The following RIMKLB variants were observed in gnomAD, a reference collection of about 807,000 sequenced individuals.
The protein encoded by RIMKLB is beta-citrylglutamate synthase B.
A neutral mutation model predicts 32.0 loss-of-function variants in RIMKLB; 7 were observed. That is an observed-to-expected ratio of 0.22 (90% confidence interval 0.12 to 0.41). The LOEUF (loss-of-function observed/expected upper bound fraction) is 0.41. Ranked by LOEUF, RIMKLB falls within the 10% of genes least tolerant of loss-of-function variation. The pLI is 1.00. For synonymous variants in RIMKLB, 172 were observed against 185.1 expected (o/e 0.93, Z 0.57); for missense variants, 289 against 498.7 (o/e 0.58, Z 4.00).
At chr12:8,777,215 C>CT (rs35828763), downstream of RIMKLB, 250,542 of 695,332 alleles carry the variant, frequency 0.36, 14,571 homozygotes, top group East Asian at 0.57. Context: ...TGCTTGCTTT[C>CT]TTTTTTTTTT....
intron 2 of RIMKLB, among the ~76,000 whole-genome samples, chr12:8,714,778 G>A (rs1208192353): frequency 2.6e-5 from 4 of 152,052 alleles, no homozygotes; most frequent in Non-Finnish European, 5.9e-5. Context: ...GTTTCTGTCA[G>A]GGAGCATTAT....
chr12:8,715,228 C>CTTTTTTTTTTTTTTTTTTT (rs61677474), intron 2 of RIMKLB, among the ~76,000 whole-genome samples: 3 of 123,738 alleles, frequency 2.4e-5, no homozygotes, highest in African/African-American at 9.9e-5. Context: ...TGCTCTTGTT[C>CTTTTTTTTTTTTTTTTTTT]TTTTTTTTTT....
rs1199819501 is a variant in RIMKLB, at chr12:8,729,863, TTC to T, written c.175+15824_175+15825del. Reference sequence around the variant, plus strand: ...TTCAACTTTCCACATCTTTGTCAACTTCTGTTTTATAATAGCCATCCTAATGG... The same window carrying T: ...TTCAACTTTCCACATCTTTGTCAACTTGTTTTATAATAGCCATCCTAATGG... On this transcript the variant is annotated intron_variant, in intron 2 of 5. Coordinates refer to ENST00000535829, the MANE Select transcript of RIMKLB (RefSeq NM_001297776.2). Among the ~76,000 whole-genome samples, 3 of 152,354 alleles carry T rather than the reference TTC, an allele frequency of 2.0e-5. No individual in the cohort carries two copies. In the East Asian group the frequency reaches 5.8e-4, roughly 29 times the overall value.
intron 2 of RIMKLB, among the ~76,000 whole-genome samples, chr12:8,748,403 G>T (rs1261217191): frequency 6.6e-6 from 1 of 151,612 alleles, no homozygotes; most frequent in Non-Finnish European, 1.5e-5. Flanking sequence ...TTTATCACAG[G>T]TATGTGTGTA....
chr12:8,736,307 GTCTT>G (rs1205656777), intron 2 of RIMKLB, among the ~76,000 whole-genome samples: 2 of 152,070 alleles, frequency 1.3e-5, no homozygotes, highest in Non-Finnish European at 2.9e-5. Context: ...TACTAGCTTT[GTCTT>G]TCTTTTAAGA....
intron 2 of RIMKLB, among the ~76,000 whole-genome samples, chr12:8,721,847 G>A (rs761323182): frequency 3.7e-4 from 57 of 152,202 alleles, no homozygotes; most frequent in African/African-American, 1.3e-3. Flanking sequence ...GGGTTCAAGC[G>A]ATTCTCCTGC....
intron 1 of RIMKLB, among the ~76,000 whole-genome samples, chr12:8,702,404 T>C (rs1488599955): frequency 6.6e-6 from 1 of 152,250 alleles, no homozygotes; most frequent in Non-Finnish European, 1.5e-5. Flanking sequence ...ACCTTTTATT[T>C]CAAAAGTGTC....
chr12:8,730,558 C>G (rs192361742), intron 2 of RIMKLB, among the ~76,000 whole-genome samples: 3 of 152,298 alleles, frequency 2.0e-5, no homozygotes, highest in Non-Finnish European at 4.4e-5. Context: ...TTAGGTGAAA[C>G]AGACCAGACC....
chr12:8,730,028 GTT>G (rs541698007), intron 2 of RIMKLB, among the ~76,000 whole-genome samples: 91 of 152,314 alleles, frequency 6.0e-4, no homozygotes, highest in Non-Finnish European at 1.1e-3. Flanking sequence ...TGACACAAGA[GTT>G]TAAGAAATTG....
chr12:8,690,057 C>T (rs1304565172), intron 1 of RIMKLB, among the ~76,000 whole-genome samples: 1 of 152,186 alleles, frequency 6.6e-6, no homozygotes, highest in Non-Finnish European at 1.5e-5. Context: ...GGATTTTCTG[C>T]TAAACCCTCT....
intron 2 of RIMKLB, among the ~76,000 whole-genome samples, chr12:8,737,250 C>CTT (rs545535856): frequency 7.4e-5 from 10 of 135,998 alleles, no homozygotes; most frequent in South Asian, 4.7e-4. Context: ...TTAATCATGA[C>CTT]TTTTTTTTTT....
intron 5 of RIMKLB, among the ~76,000 whole-genome samples, chr12:8,758,547 T>C (rs1483808260): frequency 3.3e-5 from 5 of 152,214 alleles, no homozygotes; most frequent in Admixed American, 3.3e-4. Context: ...ACAAAAATTG[T>C]CCCTTTTAAT....
downstream of RIMKLB, among the ~76,000 whole-genome samples, chr12:8,781,718 ATGTC>A (rs1288692501): frequency 6.6e-6 from 1 of 152,150 alleles, no homozygotes; most frequent in African/African-American, 2.4e-5. Context: ...GAGAGTGTGC[ATGTC>A]TGTCTTTCTC....
chr12:8,731,208 T>C (rs1185939711), intron 2 of RIMKLB, among the ~76,000 whole-genome samples: 1 of 152,182 alleles, frequency 6.6e-6, no homozygotes, highest in Non-Finnish European at 1.5e-5. Flanking sequence ...GTGATTCTCC[T>C]GCCTCAGCCT....
At chr12:8,674,391 A>C in the RIMKLB span, among the ~76,000 whole-genome samples, 3 of 151,524 alleles carry the variant, frequency 2.0e-5, no homozygotes, top group Admixed American at 2.0e-4. Flanking sequence ...AGTGCCCGCC[A>C]CCACGCCCTG....
At chr12:8,744,826 T>C (rs1947924789) in intron 2 of RIMKLB, among the ~76,000 whole-genome samples, 1 of 151,668 alleles carries the variant, frequency 6.6e-6, no homozygotes, top group African/African-American at 2.4e-5. Context: ...ATGTCTAATT[T>C]TTGCATTTTT....
chr12:8,709,216 T>C (rs1834725176), intron 1 of RIMKLB, among the ~76,000 whole-genome samples: 1 of 152,196 alleles, frequency 6.6e-6, no homozygotes, highest in South Asian at 2.1e-4. Context: ...TTTAAAATAG[T>C]GAATATTGTC....
At chr12:8,697,903 A>G (rs1467983220), upstream of RIMKLB, 1 of 147,054 alleles carries the variant, frequency 6.8e-6, no homozygotes, top group Non-Finnish European at 1.5e-5. Flanking sequence ...GCTCCTCAGC[A>G]AGCGGGCGGG....
At chr12:8,742,126 C>T (rs1176532937) in intron 2 of RIMKLB, among the ~76,000 whole-genome samples, 1 of 151,580 alleles carries the variant, frequency 6.6e-6, no homozygotes, top group Non-Finnish European at 1.5e-5. Flanking sequence ...TCTCAAGCTC[C>T]TGACCTCATG....
Sources: gnomAD v4.1 joint callset for allele counts (sites outside exome capture counted in the v4.1 genomes callset) on GRCh38, gnomAD v4.1.1 for gene constraint, MANE v1.5 for transcripts, NCBI Gene and HGNC (gene_info 2026-07-23, HGNC 2026-07-21) for gene names.